Variants in INPP5F observed in about 807,000 individuals in gnomAD.
INPP5F encodes inositol polyphosphate-5-phosphatase F.
INPP5F carries 97 observed loss-of-function variants against 137.2 expected under a neutral mutation model. The observed-to-expected ratio is 0.71, with a 90% confidence interval of 0.60 to 0.84. The LOEUF is 0.84. Ranked by LOEUF, INPP5F falls within the 40% of genes least tolerant of loss-of-function variation. The probability of loss-of-function intolerance (pLI) is 0.00; values close to 1 mark genes in which losing one functional copy is unlikely to be tolerated. For synonymous variants in INPP5F, 504 were observed against 476.9 expected, an observed-to-expected ratio of 1.06 and a Z score of -0.74; for missense variants, 1,271 against 1,371.9, an observed-to-expected ratio of 0.93 and a Z score of 1.16.
intron 1 of INPP5F, among the ~76,000 whole-genome samples, chr10:119,742,949 G>A (rs936923494): frequency 2.6e-5 from 4 of 152,066 alleles, no homozygotes; most frequent in East Asian, 3.9e-4. Flanking sequence ...CCGAGATCGC[G>A]CCATTGCACT....
chr10:119,816,832 A>G (rs1416184054), intron 15 of INPP5F, among the ~76,000 whole-genome samples: 3 of 152,210 alleles, frequency 2.0e-5, no homozygotes, highest in Non-Finnish European at 4.4e-5. Context: ...GTGTTTAAAC[A>G]GTTTTATTGA....
chr10:119,745,115 A>G (rs1351847970), intron 1 of INPP5F, among the ~76,000 whole-genome samples: 1 of 151,984 alleles, frequency 6.6e-6, no homozygotes, highest in Non-Finnish European at 1.5e-5. Context: ...CCTTCCTTTC[A>G]GCTGCTGTAT....
intron 3 of INPP5F, among the ~76,000 whole-genome samples, chr10:119,789,196 G>C (rs868635363): frequency 1.7e-4 from 26 of 150,292 alleles, no homozygotes; most frequent in Middle Eastern, 3.4e-3. Flanking sequence ...TTACACTCCA[G>C]CCTGGGCAAC....
At chr10:119,750,627 C>T (rs1319865769) in intron 1 of INPP5F, among the ~76,000 whole-genome samples, 3 of 152,168 alleles carry the variant, frequency 2.0e-5, no homozygotes, top group Admixed American at 6.6e-5. Flanking sequence ...AGTTGCTTTC[C>T]GGATTTCTTT....
chr10:119,756,864 AC>A (rs1409362948), intron 2 of INPP5F, among the ~76,000 whole-genome samples: 4 of 60,204 alleles, frequency 6.6e-5, no homozygotes, highest in Admixed American at 2.1e-4. Flanking sequence ...AAGCTCTGCC[AC>A]AAAAAAAAAA....
At chr10:119,805,040 T>C (rs998948467) in intron 10 of INPP5F, among the ~76,000 whole-genome samples, 5 of 152,200 alleles carry the variant, frequency 3.3e-5, no homozygotes, top group African/African-American at 1.2e-4. Flanking sequence ...TGAATCATTT[T>C]GATGGTGCCT....
intron 2 of INPP5F, among the ~76,000 whole-genome samples, chr10:119,757,029 C>T (rs928200362): frequency 2.6e-5 from 4 of 152,042 alleles, no homozygotes; most frequent in African/African-American, 4.8e-5. Flanking sequence ...ACAACTCAAA[C>T]GTGTCTGACT....
At chr10:119,734,496 A>T (rs1848168081) in intron 1 of INPP5F, among the ~76,000 whole-genome samples, 1 of 152,002 alleles carries the variant, frequency 6.6e-6, no homozygotes, top group African/African-American at 2.4e-5. Context: ...CCAAACCATG[A>T]CTTTTCTTTT....
chr10:119,785,286 G>GTTTTTTTTGTTTTTTTTTTT (rs1849846687), intron 3 of INPP5F, among the ~76,000 whole-genome samples: 2 of 106,228 alleles, frequency 1.9e-5, no homozygotes, highest in African/African-American at 7.5e-5. Flanking sequence ...CTGCCAGACT[G>GTTTTTTTTGTTTTTTTTTTT]TTTTTTTTTT....
At chr10:119,750,647 A>G (rs147998903) in intron 1 of INPP5F, among the ~76,000 whole-genome samples, 1 of 152,342 alleles carries the variant, frequency 6.6e-6, no homozygotes, top group East Asian at 1.9e-4. Flanking sequence ...TGTTTGGTAT[A>G]AGCATCTTCG....
chr10:119,822,364 C>A, intron 16 of INPP5F, 67 bp from the exon 17 acceptor site: 2 of 774,188 alleles, frequency 2.6e-6, no homozygotes, highest in Non-Finnish European at 4.2e-6. Context: ...AGCTATTATG[C>A]CTTCCCTGAC....
intron 2 of INPP5F, among the ~76,000 whole-genome samples, chr10:119,765,351 G>C (rs536642397): frequency 1.3e-5 from 2 of 152,024 alleles, no homozygotes; most frequent in South Asian, 4.2e-4. Flanking sequence ...TAAGTTTTGG[G>C]GGTGTTAAAA....
chr10:119,820,638 C>T (rs959593782), intron 15 of INPP5F, among the ~76,000 whole-genome samples: 1 of 152,224 alleles, frequency 6.6e-6, no homozygotes, highest in Non-Finnish European at 1.5e-5. Flanking sequence ...TCCCTCACTT[C>T]CCACATCTGC....
rs1187769555 is a variant in INPP5F, at chr10:119,827,652, C to T, written c.3271C>T (p.His1091Tyr). Residue 1091 changes from histidine to tyrosine, a missense_variant, in exon 20 of 20, where the codon CAT (histidine) becomes TAT (tyrosine). By Grantham distance (83) the His-to-Tyr change is moderately conservative. Transcript: ENST00000650623. ...VASITQAGLT[H>Y]GINFAVSKVQ... ...TAGTATTACCCAAGCTGGATTAACC[C>T]ATGGGATAAACTTTGCAGTGTCAAA... The T allele has an allele frequency of 6.2e-7, 1 of 1,614,148 alleles. No individual in the cohort carries two copies. The highest frequency in any genetic ancestry group is 1.3e-5 in the African/African-American group (1 of 75,030).
In INPP5F at chr10:119,797,547, C is replaced by T; in HGVS notation, c.955C>T (p.His319Tyr). The T allele has an allele frequency of 6.2e-7, 1 of 1,612,768 alleles. No individual in the cohort carries two copies. The highest frequency in any genetic ancestry group is 8.5e-7 in the Non-Finnish European group (1 of 1,179,250). The change falls in exon 8 of 20, where the codon CAT becomes TAT. Residue 319 changes from histidine to tyrosine, a missense_variant. Coordinates refer to ENST00000650623, the MANE Select transcript of INPP5F (RefSeq NM_014937.4). ...TGAGCAGTTGATTCATGTTCATAAT[C>T]ATACCCTGTCATTTGTTCAAACACG... ...ETEQLIHVHN[H>Y]TLSFVQTRGS...
chr10:119,809,900 A>G (rs146339092), intron 13 of INPP5F, among the ~76,000 whole-genome samples, 200 bp from the exon 14 acceptor site: 1 of 152,362 alleles, frequency 6.6e-6, no homozygotes, highest in African/African-American at 2.4e-5. Context: ...TGATGCCACA[A>G]ATAGCATTTG....
At chr10:119,813,192 A>G (rs1203936294) in intron 15 of INPP5F, among the ~76,000 whole-genome samples, 3 of 152,170 alleles carry the variant, frequency 2.0e-5, no homozygotes, top group Non-Finnish European at 4.4e-5. Flanking sequence ...ATTTTTATGG[A>G]AAATTGGTAC....
At chr10:119,758,750 C>T (rs1010427442) in intron 2 of INPP5F, among the ~76,000 whole-genome samples, 19 of 152,168 alleles carry the variant, frequency 1.2e-4, no homozygotes, top group African/African-American at 4.6e-4. Context: ...TAGTACTGAA[C>T]AATCCTAGAC....
intron 9 of INPP5F, among the ~76,000 whole-genome samples, chr10:119,802,797 G>A (rs1314084878): frequency 6.6e-6 from 1 of 152,048 alleles, no homozygotes; most frequent in Non-Finnish European, 1.5e-5. Context: ...GATCACACCA[G>A]GTTTTTTAAA....
Sources: gnomAD v4.1 joint callset for allele counts (sites outside exome capture counted in the v4.1 genomes callset) on GRCh38, gnomAD v4.1.1 for gene constraint, MANE v1.5 for transcripts, NCBI Gene and HGNC (gene_info 2026-07-23, HGNC 2026-07-21) for gene names.